The following EOMES variants were observed in gnomAD, a reference collection of about 807,000 sequenced individuals.
EOMES encodes eomesodermin, also known as eomesodermin homolog.
In EOMES, 18 loss-of-function variants were observed where a neutral mutation model predicts 61.0. The ratio of observed to expected loss-of-function variants is 0.30; its 90% CI spans 0.20 to 0.44. The LOEUF (loss-of-function observed/expected upper bound fraction) is 0.44. Ranked by LOEUF, EOMES falls within the 20% of genes least tolerant of loss-of-function variation. EOMES has a pLI of 1.00. For synonymous variants in EOMES, 430 were observed against 394.0 expected, an observed-to-expected ratio of 1.09 and a Z score of -1.08; for missense variants, 885 against 939.2, an observed-to-expected ratio of 0.94 and a Z score of 0.75.
intron 1 of EOMES, among the ~76,000 whole-genome samples, chr3:27,720,679 A>G (rs1302939321): frequency 2.0e-5 from 3 of 151,958 alleles, no homozygotes. Context: ...GTTAAAAACT[A>G]CTAATTTTTA....
Position 27,720,117 on chromosome 3 carries a change from G to A in EOMES, c.1036+54C>T, listed in dbSNP as rs1473757918. 19 of 1,490,094 alleles carry A rather than the reference G, an allele frequency of 1.3e-5. No homozygotes were observed. In the East Asian group the frequency reaches 3.9e-4, roughly 31 times the overall value. 92.3% of individuals were successfully genotyped at this position (1,490,094 alleles called of 1,614,324 possible). A position where few individuals can be genotyped will look rare whatever the true frequency, so the allele number is the denominator to read the frequency against. On this transcript the variant is annotated intron_variant, in intron 2 of 5. Coordinates refer to ENST00000449599, the MANE Select transcript of EOMES (RefSeq NM_001278182.2). ...TAAATGTGAGTTGTGTGAGTCGAGG[G>A]TTACGATTTCTTCCCGCCCGTTCCT...
rs767541816 is a variant in EOMES, at chr3:27,717,256, G to A, written c.1932C>T (p.Ile644=). The change falls in exon 6 of 6, where the codon ATC becomes ATT. Residue 644 remains isoleucine (I), a synonymous_variant. Transcript: ENST00000449599. This position sits in a 1 kb window ranked among gnomAD's most constrained non-coding sequence, Gnocchi z 4.5. ...CTGAATCATTGGAATCTAGAGATTT[G>A]ATGGAAGGGGGTGTCTCTATCCAAG... ...GSSWIETPPS[I]KSLDSNDSGV... The A allele has an allele frequency of 1.9e-6, 3 of 1,613,906 alleles. No individual in the cohort carries two copies. Among genetic ancestry groups the A allele is most frequent in the Non-Finnish European group, 1.7e-6 (2 of 1,179,796 alleles).
chr3:27,720,855 C>G (rs545964708), intron 1 of EOMES, among the ~76,000 whole-genome samples: 24 of 152,154 alleles, frequency 1.6e-4, no homozygotes, highest in Non-Finnish European at 1.3e-4. Flanking sequence ...TATATCAGAA[C>G]TTTCTCGCGC....
chr3:27,721,776 G>T lies in EOMES; in HGVS notation c.519C>A (p.His173Gln), dbSNP rs1234669412. ...FPYQAAAGAP[H>Q]GPVYPAPNGA... ...CGTTAGGAGCCGGGTACACAGGTCC[G>T]TGGGGCGCCCCAGCCGCCGCCTGGT... The change falls in exon 1 of 6, where the codon CAC becomes CAA. Residue 173 changes from histidine to glutamine, a missense_variant. His to Gln is a conservative substitution (Grantham distance 24, BLOSUM62 0). This residue lies in a region of EOMES where 449 missense variants were observed against 383.6 expected (regional missense o/e 1.17). Transcript: ENST00000449599. The surrounding 1 kb of genome is among the most constrained non-coding windows in gnomAD (Gnocchi z 7.4). 2 of 1,498,672 alleles carry T rather than the reference G, an allele frequency of 1.3e-6. No homozygotes were observed. Among genetic ancestry groups the T allele is most frequent in the Non-Finnish European group, 1.8e-6 (2 of 1,136,104 alleles). The allele number at this position is 1,498,672 out of a possible 1,614,324, so 92.8% of individuals were successfully genotyped here.
At position 27,722,144 on chromosome 3, in the gene EOMES, C is replaced by T. The variant is rs373565897; in HGVS notation, c.151G>A (p.Ala51Thr). ...PSPQKLDLDK[A>T]SKKFSGSLSC... ...AGACTGCCGGAAAACTTCTTGGACG[C>T]TTTGTCTAAGTCCAACTTCTGAGGA... The change falls in exon 1 of 6, where the codon GCG becomes ACG. Residue 51 changes from alanine to threonine, a missense_variant. This residue lies in a region of EOMES where 449 missense variants were observed against 383.6 expected (regional missense o/e 1.17). Coordinates refer to ENST00000449599, the MANE Select transcript of EOMES (RefSeq NM_001278182.2). The T allele has an allele frequency of 1.0e-4, 157 of 1,566,194 alleles. No homozygotes were observed. In the African/African-American group the frequency reaches 2.1e-3, roughly 21 times the overall value.
At position 27,721,380 on chromosome 3, in the gene EOMES, C is replaced by G. The variant is rs1464959865; in HGVS notation, c.881+34G>C. 3.2e-6 allele frequency: 5 copies of G among 1,566,884 alleles called. No individual in the cohort carries two copies. The highest frequency in any genetic ancestry group is 4.3e-6 in the Non-Finnish European group (5 of 1,152,298). On this transcript the variant is annotated intron_variant, in intron 1 of 5. Transcript: ENST00000449599. The surrounding 1 kb of genome is among the most constrained non-coding windows in gnomAD (Gnocchi z 7.4). ...CCAGGACCACACGTCACCCTTTATCCCCGAACCCAGGGGCCCCTCCACGCT... is the reference window on the plus strand; with the variant it reads ...CCAGGACCACACGTCACCCTTTATCGCCGAACCCAGGGGCCCCTCCACGCT...
Position 27,722,074 on chromosome 3 carries a change from C to T in EOMES, c.221G>A (p.Gly74Glu). 1 of 1,547,270 alleles carries T rather than the reference C, an allele frequency of 6.5e-7. No individual in the cohort carries two copies. The highest frequency in any genetic ancestry group is 8.7e-7 in the Non-Finnish European group (1 of 1,145,796). ...VSGEPAAASA[G>E]APAAMLSDTD... The stretch of plus-strand genomic sequence containing the variant: ...GTCACTAAGCATGGCCGCGGGGGCC[C>T]CTGCGCTGGCGGCTGCGGGCTCCCC... The change falls in exon 1 of 6, where the codon GGG (glycine) becomes GAG (glutamate). Residue 74 changes from glycine to glutamate, a missense_variant. Gly to Glu is a moderately conservative substitution (Grantham distance 98). This residue lies in a region of EOMES where 449 missense variants were observed against 383.6 expected (regional missense o/e 1.17). Transcript: ENST00000449599.
At position 27,716,293 on chromosome 3, in the gene EOMES, A is replaced by G. The variant is rs2125398608; in HGVS notation, c.*777T>C. ...GCACCAGTTTTACATTATCCCAGAC[A>G]CCTATGTAGACTATTTGTACAATAT... On this transcript the variant is annotated 3_prime_UTR_variant, in exon 6 of 6. Coordinates refer to ENST00000449599, the MANE Select transcript of EOMES (RefSeq NM_001278182.2). The G allele has an allele frequency of 6.6e-6, 1 of 151,806 alleles. No individual in the cohort carries two copies. The highest frequency in any genetic ancestry group is 2.1e-4 in the South Asian group (1 of 4,794). The allele number at this position is 151,806 out of a possible 1,614,324, so 9.4% of individuals were successfully genotyped here.
Position 27,719,683 on chromosome 3 carries a change from C to T in EOMES, c.1037-202G>A, listed in dbSNP as rs114973664. On this transcript the variant is annotated intron_variant, in intron 2 of 5. Coordinates refer to ENST00000449599, the MANE Select transcript of EOMES (RefSeq NM_001278182.2). ...CCTCCCAGGCCCCTGTGCTTCCAAC[C>T]TTCCTTGCACTAGGGACTCCCCTGA... 2.7e-3 allele frequency among the ~76,000 whole-genome samples: 406 copies of T among 152,272 alleles called. 1 individual carries two copies. The highest frequency in any genetic ancestry group is 9.3e-3 in the African/African-American group (387 of 41,544).
rs1282011000 is a variant in EOMES, at chr3:27,718,879, T to C, written c.1173A>G (p.Gln391=). ...NNNNTQMIVL[Q]SLHKYQPRLH... The stretch of plus-strand genomic sequence containing the variant: ...GTCGGGGTTGGTATTTGTGTAAGGA[T>C]TGTAAGACTATCATCTGGAAAGAGT... The change falls in exon 4 of 6, where the codon CAA becomes CAG. Residue 391 remains glutamine, a synonymous_variant. Transcript: ENST00000449599. 5 of 1,612,098 alleles carry C rather than the reference T, an allele frequency of 3.1e-6. No homozygotes were observed. The highest frequency in any genetic ancestry group is 1.3e-5 in the African/African-American group (1 of 74,870).
chr3:27,718,669 G>A, intron 4 of EOMES, 21 bp from the exon 5 acceptor site: 2 of 1,611,862 alleles, frequency 1.2e-6, no homozygotes, highest in Non-Finnish European at 1.7e-6. Flanking sequence ...GAGAAAAACA[G>A]TCATTGAGTG....
rs1299887365 is a variant in EOMES at position 27,717,341 on chromosome 3, G to A, written c.1847C>T (p.Pro616Leu). 3 of 1,614,020 alleles carry A rather than the reference G, an allele frequency of 1.9e-6. No individual in the cohort carries two copies. Among genetic ancestry groups the A allele is most frequent in the Non-Finnish European group, 2.5e-6 (3 of 1,180,032 alleles). Residue 616 changes from proline to leucine, a missense_variant, in exon 6 of 6, where the codon CCC (proline) becomes CTC (leucine). Transcript: ENST00000449599. This position sits in a 1 kb window ranked among gnomAD's most constrained non-coding sequence, Gnocchi z 4.5. ...AGLPWTSRTSPTVFSEDQLSK... is the reference protein window; with the variant it reads ...AGLPWTSRTSLTVFSEDQLSK... Reference sequence around the variant, plus strand: ...GAGCTGATCTTCAGAGAACACAGTGGGGCTTGTTCTGGAGGTCCATGGTAG... The same window carrying A: ...GAGCTGATCTTCAGAGAACACAGTGAGGCTTGTTCTGGAGGTCCATGGTAG...
rs533329037 is a variant in EOMES at position 27,721,233 on chromosome 3, G to A, written c.881+181C>T. On this transcript the variant is annotated intron_variant, in intron 1 of 5. Coordinates refer to ENST00000449599, the MANE Select transcript of EOMES (RefSeq NM_001278182.2). The surrounding 1 kb of genome is among the most constrained non-coding windows in gnomAD (Gnocchi z 7.4). Reference sequence around the variant, plus strand: ...TTGGCACCCTGCAAGAGCCGCCGGGGCACTGACACAGAGGGACACCGCATT... The same window carrying A: ...TTGGCACCCTGCAAGAGCCGCCGGGACACTGACACAGAGGGACACCGCATT... Among the ~76,000 whole-genome samples, 6 of 152,262 alleles carry A rather than the reference G, an allele frequency of 3.9e-5. No individual in the cohort carries two copies. Among genetic ancestry groups the A allele is most frequent in the African/African-American group, 1.4e-4 (6 of 41,558 alleles).
chr3:27,717,291 T>C lies in EOMES; in HGVS notation c.1897A>G (p.Ile633Val), dbSNP rs1305824478. 1.9e-6 allele frequency: 3 copies of C among 1,614,124 alleles called. No individual in the cohort carries two copies. In the African/African-American group the frequency reaches 4.0e-5, roughly 22 times the overall value. The change falls in exon 6 of 6, where the codon ATT becomes GTT. Residue 633 changes from isoleucine to valine, a missense_variant. Physicochemically the swap from Ile to Val is conservative, Grantham distance 29. This residue lies in a region of EOMES where 259 missense variants were observed against 282.3 expected (regional missense o/e 0.92). Transcript: ENST00000449599. This position sits in a 1 kb window ranked among gnomAD's most constrained non-coding sequence, Gnocchi z 4.5. ...QLSKEKVKEE[I>V]GSSWIETPPS... ...GGTGTCTCTATCCAAGAAGAGCCAA[T>C]TTCCTCTTTCACTTTCTCCTTGGAG...
chr3:27,717,877 C>A lies in EOMES; in HGVS notation c.1380-69G>T. On this transcript the variant is annotated intron_variant, in intron 5 of 5. Coordinates refer to ENST00000449599, the MANE Select transcript of EOMES (RefSeq NM_001278182.2). The surrounding 1 kb of genome is among the most constrained non-coding windows in gnomAD (Gnocchi z 4.5). ...ATGTTGTCCCCAAACAAACCACCTCCCAGAAATGAAAAAGGCTTGTGTTGG... is the reference window on the plus strand; with the variant it reads ...ATGTTGTCCCCAAACAAACCACCTCACAGAAATGAAAAAGGCTTGTGTTGG... 8.4e-7 allele frequency: 1 copy of A among 1,191,452 alleles called. No homozygotes were observed. The highest frequency in any genetic ancestry group is 1.1e-6 in the Non-Finnish European group (1 of 873,884). 73.8% of individuals were successfully genotyped at this position (1,191,452 alleles called of 1,614,324 possible). A position where few individuals can be genotyped will look rare whatever the true frequency, so the allele number is the denominator to read the frequency against.
In EOMES at chr3:27,722,024, T is replaced by C. The variant is rs529375594; in HGVS notation, c.271A>G (p.Ser91Gly). The change falls in exon 1 of 6, where the codon AGC becomes GGC. Residue 91 changes from serine to glycine, a missense_variant. Ser to Gly is a moderately conservative substitution (Grantham distance 56). Around this residue, in one of 3 missense-constraint regions of EOMES, gnomAD observed 449 missense variants for 383.6 expected, o/e 1.17. Transcript: ENST00000449599. ...SDTDAGDAFA[S>G]AAAVAKPGPP... Reference sequence around the variant, plus strand: ...CCCGGCTTGGCCACTGCCGCAGCGCTGGCAAATGCGTCCCCGGCGTCGGTG... The same window carrying C: ...CCCGGCTTGGCCACTGCCGCAGCGCCGGCAAATGCGTCCCCGGCGTCGGTG... 4.6e-6 allele frequency: 7 copies of C among 1,526,038 alleles called. No homozygotes were observed. In the Admixed American group the frequency reaches 1.2e-4, roughly 27 times the overall value. The allele number at this position is 1,526,038 out of a possible 1,614,324, so 94.5% of individuals were successfully genotyped here.
intron 3 of EOMES, 111 bp from the exon 4 acceptor site, chr3:27,719,004 C>A: frequency 1.3e-6 from 1 of 791,952 alleles, no homozygotes; most frequent in South Asian, 1.9e-5. Flanking sequence ...AAATGCTCCT[C>A]ACTAACAGCT....
In EOMES at chr3:27,717,831, TAAAA is replaced by T; in HGVS notation, c.1380-27_1380-24del. On this transcript the variant is annotated intron_variant, in intron 5 of 5. Transcript: ENST00000449599. The surrounding 1 kb of genome is among the most constrained non-coding windows in gnomAD (Gnocchi z 4.5). ...ATGCTACAATATAAAGAGAAACACT[TAAAA>T]AAAAAAAAAAACCCTAATGTTGTCC... The T allele has an allele frequency of 1.2e-5, 14 of 1,153,584 alleles. No homozygotes were observed. The highest frequency in any genetic ancestry group is 1.7e-5 in the African/African-American group (1 of 60,174). 71.5% of individuals were successfully genotyped at this position (1,153,584 alleles called of 1,614,324 possible).
At position 27,720,815 on chromosome 3, in the gene EOMES, C is replaced by T. The variant is rs577099903; in HGVS notation, c.882-490G>A. Among the ~76,000 whole-genome samples the T allele has an allele frequency of 3.3e-5, 5 of 152,272 alleles. No homozygotes were observed. In the East Asian group the frequency reaches 9.7e-4, roughly 29 times the overall value. On this transcript the variant is annotated intron_variant, in intron 1 of 5. Transcript: ENST00000449599. ...TCTCAGCACCCACCCCTCCCTTTCC[C>T]CAGAAGTAGCCAGTGTTAGCAGTTG...
Sources: gnomAD v4.1 joint callset for allele counts (sites outside exome capture counted in the v4.1 genomes callset) on GRCh38, gnomAD v4.1.1 for gene constraint, gnomAD v4.1.1 regional missense constraint, Gnocchi (gnomAD v3.1) non-coding constraint, MANE v1.5 for transcripts, NCBI Gene and HGNC (gene_info 2026-07-23, HGNC 2026-07-21) for gene names.